The following ST7 variants were observed in gnomAD, a reference collection of about 807,000 sequenced individuals.
ST7 encodes the protein suppressor of tumorigenicity 7 protein.
A neutral mutation model predicts 78.7 loss-of-function variants in ST7; 28 were observed. The observed-to-expected ratio is 0.36, with a 90% CI of 0.26 to 0.49. ST7 has a LOEUF of 0.49. Among genes scored for constraint, ST7 ranks in the 20% least tolerant of loss-of-function variants. The pLI, the probability that ST7 is intolerant of heterozygous loss-of-function variation, is 0.99. For missense variants in ST7, 418 were observed against 696.0 expected (o/e 0.60, Z 4.49); for synonymous variants, 247 against 249.6 (o/e 0.99, Z 0.10).
chr7:117,195,087 A>G (rs1000701425), intron 12 of ST7, among the ~76,000 whole-genome samples: 2 of 152,234 alleles, frequency 1.3e-5, no homozygotes, highest in African/African-American at 2.4e-5. Context: ...ATTATAAAAA[A>G]CAATCTACTC....
intron 1 of ST7, among the ~76,000 whole-genome samples, chr7:117,094,262 C>T (rs1800856236): frequency 6.6e-6 from 1 of 152,232 alleles, no homozygotes; most frequent in East Asian, 1.9e-4. Context: ...CATTCACCCT[C>T]AGGCCCCAGG....
chr7:117,119,619 T>G lies in ST7; in HGVS notation c.293T>G (p.Val98Gly). ...ACTTCATTCATTGAACAAGTCTCAGTAAGCCACTTGCGCCCCCTTCTGGGA... is the reference window on the plus strand; with the variant it reads ...ACTTCATTCATTGAACAAGTCTCAGGAAGCCACTTGCGCCCCCTTCTGGGA... ...YGTSFIEQVS[V>G]SHLRPLLGGV... The change falls in exon 3 of 16, where the codon GTA (valine) becomes GGA (glycine). Residue 98 changes from valine (V) to glycine (G), a missense_variant. Coordinates refer to ENST00000323984, the MANE Select transcript of ST7 (RefSeq NM_001369598.1). 2 of 1,614,002 alleles carry G rather than the reference T, an allele frequency of 1.2e-6. No homozygotes were observed. Among genetic ancestry groups the G allele is most frequent in the Non-Finnish European group, 1.7e-6 (2 of 1,180,000 alleles).
At chr7:117,152,217 A>G (rs1806345901) in intron 9 of ST7, among the ~76,000 whole-genome samples, 1 of 120,900 alleles carries the variant, frequency 8.3e-6, no homozygotes, top group Admixed American at 8.3e-5. Context: ...ATATATATAT[A>G]TATATACCAT....
At chr7:117,064,414 A>G (rs1029279406) in intron 1 of ST7, among the ~76,000 whole-genome samples, 11 of 152,132 alleles carry the variant, frequency 7.2e-5, no homozygotes, top group African/African-American at 2.7e-4. Context: ...CTTTTTTCAC[A>G]ACTGTTTAAT....
chr7:117,114,281 A>T (rs1416669877), intron 2 of ST7, among the ~76,000 whole-genome samples: 3 of 152,162 alleles, frequency 2.0e-5, no homozygotes, highest in Non-Finnish European at 4.4e-5. Context: ...ACTTTGAAAG[A>T]GTCAATATGG....
chr7:117,155,022 G>C (rs999799877), intron 9 of ST7, among the ~76,000 whole-genome samples: 2 of 152,156 alleles, frequency 1.3e-5, no homozygotes, highest in Admixed American at 1.3e-4. Context: ...GGGGAGGGGA[G>C]ACATGAATGA....
intron 9 of ST7, among the ~76,000 whole-genome samples, chr7:117,141,076 G>A (rs35035395): frequency 0.03 from 4,552 of 152,252 alleles, 146 homozygotes; most frequent in Non-Finnish European, 0.041. Flanking sequence ...TTAACAGCAT[G>A]CACATAAACC....
At chr7:116,973,491 A>C (rs1468453942) in intron 1 of ST7, among the ~76,000 whole-genome samples, 3 of 152,198 alleles carry the variant, frequency 2.0e-5, no homozygotes, top group Non-Finnish European at 4.4e-5. Flanking sequence ...TCCTGGGCTC[A>C]AGCGATGCTA....
At chr7:116,959,235 G>A (rs764571562) in intron 1 of ST7, 31 of 470,666 alleles carry the variant, frequency 6.6e-5, no homozygotes, top group South Asian at 9.3e-5. Flanking sequence ...CTCTTTATCC[G>A]TTCAAGTTTT....
chr7:117,201,630 C>A (rs538359922), intron 12 of ST7, among the ~76,000 whole-genome samples: 1 of 151,776 alleles, frequency 6.6e-6, no homozygotes, highest in Non-Finnish European at 1.5e-5. Flanking sequence ...GCTATCATGG[C>A]TCACTGCAGC....
intron 12 of ST7, 90 bp from the exon 13 acceptor site, chr7:117,209,697 G>A (rs1792129172): frequency 1.4e-6 from 2 of 1,432,302 alleles, no homozygotes; most frequent in South Asian, 1.3e-5. Context: ...TATAAGTGGT[G>A]GCTTTAGGGA....
intron 15 of ST7, chr7:117,223,318 C>T: frequency 3.8e-6 from 1 of 265,852 alleles, no homozygotes; most frequent in Non-Finnish European, 7.2e-6. Context: ...TTCTTTTATA[C>T]TGACACAAGA....
At chr7:117,038,841 T>A (rs1255639849) in intron 1 of ST7, among the ~76,000 whole-genome samples, 1 of 152,190 alleles carries the variant, frequency 6.6e-6, no homozygotes, top group Non-Finnish European at 1.5e-5. Flanking sequence ...AATGAAAGAT[T>A]TTATGATGAT....
intron 1 of ST7, among the ~76,000 whole-genome samples, chr7:117,042,115 C>T (rs1268026876): frequency 6.6e-6 from 1 of 152,168 alleles, no homozygotes; most frequent in Non-Finnish European, 1.5e-5. Context: ...TTATTTTACA[C>T]AAACAGGAAT....
intron 9 of ST7, among the ~76,000 whole-genome samples, chr7:117,156,581 A>T (rs144957562): frequency 0.011 from 1,713 of 152,240 alleles, 19 homozygotes; most frequent in Middle Eastern, 0.024. Context: ...GTTGAATAGG[A>T]TCATGTATGT....
intron 10 of ST7, among the ~76,000 whole-genome samples, chr7:117,186,455 C>T (rs1220301070): frequency 1.3e-5 from 2 of 152,132 alleles, no homozygotes; most frequent in South Asian, 2.1e-4. Flanking sequence ...ATTCACATCC[C>T]GGGTTGGATG....
intron 9 of ST7, among the ~76,000 whole-genome samples, chr7:117,147,595 C>T (rs1207424487): frequency 6.6e-6 from 1 of 151,268 alleles, no homozygotes; most frequent in Non-Finnish European, 1.5e-5. Context: ...CTAGTTTTTA[C>T]TCTTATTTTG....
chr7:117,104,943 G>C (rs1288369233), intron 2 of ST7, among the ~76,000 whole-genome samples: 1 of 152,146 alleles, frequency 6.6e-6, no homozygotes, highest in Non-Finnish European at 1.5e-5. Flanking sequence ...TGATCTTGAG[G>C]TTACAGAAAG....
Position 117,131,971 on chromosome 7 carries a change from G to GA in ST7, c.641+15dup. 7.5e-6 allele frequency: 12 copies of GA among 1,609,864 alleles called. No individual in the cohort carries two copies. The highest frequency in any genetic ancestry group is 1.0e-5 in the Non-Finnish European group (12 of 1,177,220). ...CTTGGAGATAAATGAGTAAGTGGGGGAAAATCTTGCTGTTAAAAAGGAAAT... is the reference window on the plus strand; with the variant it reads ...CTTGGAGATAAATGAGTAAGTGGGGGAAAAATCTTGCTGTTAAAAAGGAAAT... On this transcript the variant is annotated intron_variant, in intron 6 of 15. Transcript: ENST00000323984.
Sources: gnomAD v4.1 joint callset for allele counts (sites outside exome capture counted in the v4.1 genomes callset) on GRCh38, gnomAD v4.1.1 for gene constraint, MANE v1.5 for transcripts, NCBI Gene and HGNC (gene_info 2026-07-23, HGNC 2026-07-21) for gene names.